Variants in PNPLA8 observed in about 807,000 individuals in gnomAD.
PNPLA8 encodes the protein calcium-independent phospholipase A2-gamma.
A neutral mutation model predicts 76.9 loss-of-function variants in PNPLA8; 39 were observed. The ratio of observed to expected loss-of-function variants is 0.51; its 90% CI spans 0.39 to 0.66. PNPLA8 has a LOEUF of 0.66. PNPLA8 is among the 30% of genes least tolerant of loss of function. PNPLA8 has a pLI of 0.00. For synonymous variants in PNPLA8, 301 were observed against 307.9 expected, an observed-to-expected ratio of 0.98 and a Z score of 0.24; for missense variants, 887 against 918.0, an observed-to-expected ratio of 0.97 and a Z score of 0.44.
intron 7 of PNPLA8, among the ~76,000 whole-genome samples, chr7:108,492,946 T>C (rs1262048316): frequency 6.6e-6 from 1 of 152,168 alleles, no homozygotes; most frequent in Non-Finnish European, 1.5e-5. Flanking sequence ...TGGGGCTTGC[T>C]CTCTGGGAAC....
chr7:108,502,088 T>C (rs1024428253), intron 5 of PNPLA8, among the ~76,000 whole-genome samples: 7 of 152,128 alleles, frequency 4.6e-5, no homozygotes, highest in Admixed American at 2.0e-4. Context: ...AATTTGATTT[T>C]ATTTATATCA....
rs999129425 is a variant in PNPLA8, at chr7:108,471,071, G to A, written c.*1330C>T. On this transcript the variant is annotated 3_prime_UTR_variant, in exon 11 of 11. Transcript: ENST00000257694. ...TTCTTAAGAAATCAAAACATTCCATGTAAGGATTTATGTGACAAATAGATA... is the reference window on the plus strand; with the variant it reads ...TTCTTAAGAAATCAAAACATTCCATATAAGGATTTATGTGACAAATAGATA... The A allele has an allele frequency of 1.3e-5, 2 of 152,112 alleles. No individual in the cohort carries two copies. Among genetic ancestry groups the A allele is most frequent in the Non-Finnish European group, 2.9e-5 (2 of 68,034 alleles). 9.4% of individuals were successfully genotyped at this position (152,112 alleles called of 1,614,324 possible). A position where few individuals can be genotyped will look rare whatever the true frequency, so the allele number is the denominator to read the frequency against.
chr7:108,493,979 T>C (rs142027231), intron 7 of PNPLA8, among the ~76,000 whole-genome samples: 57 of 152,186 alleles, frequency 3.7e-4, no homozygotes, highest in African/African-American at 1.3e-3. Context: ...ACACAGATTC[T>C]AATATAGATA....
rs1863181552 is a variant in PNPLA8 at position 108,514,691 on chromosome 7, G to T, written c.801C>A (p.Asp267Glu). The T allele has an allele frequency of 7.4e-6, 12 of 1,614,010 alleles. No homozygotes were observed. The East Asian group carries it at 2.7e-4, about 36-fold the overall frequency. The change falls in exon 3 of 11, where the codon GAC (aspartate) becomes GAA (glutamate). Residue 267 changes from aspartate to glutamate, a missense_variant. By Grantham distance (45) the Asp-to-Glu change is conservative. Coordinates refer to ENST00000257694, the MANE Select transcript of PNPLA8 (RefSeq NM_001256007.3). ...GTATCGCAGAAGGACTTGTAGGCTT[G>T]TCCACCGTATGTACAGATTCTGAGC... ...KPGSESVHTV[D>E]KPTSPSAIPD...
In PNPLA8 at chr7:108,505,394, C is replaced by A. The variant is rs187567502; in HGVS notation, c.1207-2752G>T. Among the ~76,000 whole-genome samples, 126 of 106,086 alleles carry A rather than the reference C, an allele frequency of 1.2e-3. 2 individuals are homozygous for A. The highest frequency in any genetic ancestry group is 4.7e-3 in the African/African-American group (118 of 25,358). The allele number at this position is 106,086 out of a possible 152,430, so 69.6% of individuals were successfully genotyped here. A position where few individuals can be genotyped will look rare whatever the true frequency, so the allele number is the denominator to read the frequency against. On this transcript the variant is annotated intron_variant, in intron 4 of 10. Coordinates refer to ENST00000257694, the MANE Select transcript of PNPLA8 (RefSeq NM_001256007.3). ...TTTTTTTTTTTTTGAGACGGAGTCT[C>A]ACTCTGTTGCCAGGCTGGAGTGCAG... is the stretch of plus-strand genomic sequence containing the variant.
chr7:108,512,975 C>G (rs1863048122), intron 4 of PNPLA8, among the ~76,000 whole-genome samples: 1 of 152,114 alleles, frequency 6.6e-6, no homozygotes, highest in Non-Finnish European at 1.5e-5. Context: ...AAGTGAGCCA[C>G]CTTGCCCCTT....
rs139984505 is a variant in PNPLA8 at position 108,513,169 on chromosome 7, C to T, written c.1206+975G>A. Reference sequence around the variant, plus strand: ...TTATGACAGCCCAAATGGACTAAGCCAGTATGTAATTCTATTTAAGATCTT... The same window carrying T: ...TTATGACAGCCCAAATGGACTAAGCTAGTATGTAATTCTATTTAAGATCTT... On this transcript the variant is annotated intron_variant, in intron 4 of 10. Transcript: ENST00000257694. 7.2e-3 allele frequency among the ~76,000 whole-genome samples: 1,103 copies of T among 152,176 alleles called. 21 individuals are homozygous for T. Among genetic ancestry groups the T allele is most frequent in the African/African-American group, 0.025 (1,040 of 41,516 alleles).
At chr7:108,516,289 T>C (rs764156888) in intron 2 of PNPLA8, among the ~76,000 whole-genome samples, 47 of 152,150 alleles carry the variant, frequency 3.1e-4, no homozygotes, top group Admixed American at 1.2e-3. Context: ...TGGAACAGAA[T>C]AGAGAGTCCA....
chr7:108,525,975 G>T, intron 1 of PNPLA8, 54 bp downstream of exon 1: 1 of 843,026 alleles, frequency 1.2e-6, no homozygotes, highest in Non-Finnish European at 1.4e-6. Flanking sequence ...CAAGGGTCCA[G>T]AACGATCAAC....
At chr7:108,501,464 G>C (rs1391398623) in intron 5 of PNPLA8, among the ~76,000 whole-genome samples, 3 of 152,196 alleles carry the variant, frequency 2.0e-5, no homozygotes, top group African/African-American at 7.2e-5. Context: ...AGTTAATATA[G>C]CCTCATTTTG....
upstream of PNPLA8, chr7:108,528,003 A>G (rs1864149974): frequency 6.6e-6 from 1 of 152,202 alleles, no homozygotes; most frequent in African/African-American, 2.4e-5. Context: ...ATAACGCCCA[A>G]TTCCTGCTTC....
chr7:108,474,436 A>T (rs188107973), intron 10 of PNPLA8, among the ~76,000 whole-genome samples: 3 of 152,328 alleles, frequency 2.0e-5, no homozygotes, highest in Admixed American at 2.0e-4. Context: ...TTAAAAAGGA[A>T]GTAAAACTCT....
At chr7:108,510,255 A>C (rs1862810382) in intron 4 of PNPLA8, 2 of 1,542,432 alleles carry the variant, frequency 1.3e-6, no homozygotes, top group East Asian at 2.2e-5. Context: ...GAAGAGAAGA[A>C]GAAGGTTCCT....
At chr7:108,498,907 G>C (rs1302624895) in intron 5 of PNPLA8, among the ~76,000 whole-genome samples, 4 of 147,500 alleles carry the variant, frequency 2.7e-5, no homozygotes, top group Non-Finnish European at 1.5e-5. Context: ...AGGTAGTTAG[G>C]CATCAAAAAA....
At position 108,509,468 on chromosome 7, in the gene PNPLA8, C is replaced by A. The variant is rs1862723739; in HGVS notation, c.1206+4676G>T. ...CCATCAGAGAAATGCAAATCAAAAC[C>A]ACAATGAGATACCATCTCACACCAG... On this transcript the variant is annotated intron_variant, in intron 4 of 10. Coordinates refer to ENST00000257694, the MANE Select transcript of PNPLA8 (RefSeq NM_001256007.3). 2.0e-5 allele frequency among the ~76,000 whole-genome samples: 3 copies of A among 148,898 alleles called. No homozygotes were observed. In the South Asian group the frequency reaches 6.4e-4, roughly 32 times the overall value.
At chr7:108,503,704 A>G (rs1233061393) in intron 4 of PNPLA8, among the ~76,000 whole-genome samples, 1 of 152,206 alleles carries the variant, frequency 6.6e-6, no homozygotes, top group Non-Finnish European at 1.5e-5. Context: ...AGTAATTGCT[A>G]GGAAGTGAGC....
At chr7:108,491,242 G>A (rs1861143449) in intron 8 of PNPLA8, among the ~76,000 whole-genome samples, 168 bp downstream of exon 8, 1 of 152,208 alleles carries the variant, frequency 6.6e-6, no homozygotes, top group African/African-American at 2.4e-5. Flanking sequence ...GGGAGACGGA[G>A]GTTATGGTGA....
intron 10 of PNPLA8, among the ~76,000 whole-genome samples, chr7:108,477,357 C>A (rs6966431): frequency 1.3e-5 from 2 of 152,014 alleles, no homozygotes; most frequent in South Asian, 4.1e-4. Context: ...AAATCTAGCA[C>A]ATGAGCTTTT....
chr7:108,526,109 A>G lies in PNPLA8; in HGVS notation c.-210T>C. The G allele has an allele frequency of 3.0e-6, 3 of 985,642 alleles. No individual in the cohort carries two copies. Among genetic ancestry groups the G allele is most frequent in the Non-Finnish European group, 3.6e-6 (3 of 829,962 alleles). The allele number at this position is 985,642 out of a possible 1,614,324, so 61.1% of individuals were successfully genotyped here. A position where few individuals can be genotyped will look rare whatever the true frequency, so the allele number is the denominator to read the frequency against. ...ATGACGTCCACTCCAACCGGCCTGC[A>G]TCAGCTGAGCTTCCAACACAAACAC... On this transcript the variant is annotated 5_prime_UTR_variant, in exon 1 of 11. The change abolishes an upstream ATG in the 5' untranslated region. Coordinates refer to ENST00000257694, the MANE Select transcript of PNPLA8 (RefSeq NM_001256007.3).
Sources: gnomAD v4.1 joint callset for allele counts (sites outside exome capture counted in the v4.1 genomes callset) on GRCh38, gnomAD v4.1.1 for gene constraint, MANE v1.5 for transcripts, NCBI Gene and HGNC (gene_info 2026-07-23, HGNC 2026-07-21) for gene names.